WDFY4: variants seen among roughly 807,000 people sequenced by gnomAD.
WDFY4 encodes the protein WDFY family member 4.
A neutral mutation model predicts 351.9 loss-of-function variants in WDFY4; 169 were observed. The observed-to-expected ratio is 0.48, with a 90% confidence interval of 0.42 to 0.55. WDFY4 has a LOEUF of 0.55. Among genes scored for constraint, WDFY4 ranks in the 20% least tolerant of loss-of-function variants. The pLI is 0.00. For missense variants in WDFY4, 3,803 were observed against 3,935.6 expected (o/e 0.97, Z 0.90); for synonymous variants, 1,622 against 1,574.6 (o/e 1.03, Z -0.71).
intron 20 of WDFY4, among the ~76,000 whole-genome samples, chr10:48,787,437 G>A (rs2066440109): frequency 6.6e-6 from 1 of 152,196 alleles, no homozygotes. Context: ...GTGGCAAATG[G>A]CACTGGCCAG....
intron 43 of WDFY4, among the ~76,000 whole-genome samples, chr10:48,882,896 T>C (rs1221573333): frequency 6.6e-6 from 1 of 152,334 alleles, no homozygotes. Flanking sequence ...GGCTTTGTTA[T>C]TTCCATTGCA....
chr10:48,837,844 T>A (rs1290800254), intron 39 of WDFY4, among the ~76,000 whole-genome samples: 1 of 152,160 alleles, frequency 6.6e-6, no homozygotes, highest in Non-Finnish European at 1.5e-5. Flanking sequence ...TGGGATCAAC[T>A]GTATACATAT....
At chr10:48,916,831 C>T (rs1838584465) in intron 47 of WDFY4, among the ~76,000 whole-genome samples, 1 of 141,330 alleles carries the variant, frequency 7.1e-6, no homozygotes, top group Non-Finnish European at 1.5e-5. Context: ...CTACAGACCC[C>T]TAGGTGCTTT....
chr10:48,696,721 G>A (rs999218663), intron 1 of WDFY4, among the ~76,000 whole-genome samples: 1 of 152,238 alleles, frequency 6.6e-6, no homozygotes, highest in Non-Finnish European at 1.5e-5. Flanking sequence ...GGCCATGTGG[G>A]CTGAAGCTCC....
chr10:48,731,658 G>C (rs2064464647), intron 9 of WDFY4, 96 bp downstream of exon 9: 9 of 1,353,122 alleles, frequency 6.7e-6, no homozygotes, highest in Admixed American at 2.3e-5. Flanking sequence ...GCAACAGAAA[G>C]TGAGCATGCC....
chr10:48,964,121 C>A, intron 54 of WDFY4, 67 bp downstream of exon 54: 1 of 1,500,890 alleles, frequency 6.7e-7, no homozygotes, highest in Non-Finnish European at 9.1e-7. Flanking sequence ...GACATTCTCT[C>A]CTGGGGTGAA....
At chr10:48,747,188 G>T (rs535062505) in intron 12 of WDFY4, among the ~76,000 whole-genome samples, 11 of 152,204 alleles carry the variant, frequency 7.2e-5, no homozygotes, top group Admixed American at 3.3e-4. Flanking sequence ...TAAATGGAAG[G>T]TCTCCCCAGC....
intron 12 of WDFY4, among the ~76,000 whole-genome samples, chr10:48,749,339 C>T (rs1209898848): frequency 1.3e-5 from 2 of 151,952 alleles, no homozygotes; most frequent in African/African-American, 2.4e-5. Context: ...CATATACATA[C>T]ACCACATGTA....
chr10:48,957,324 G>T (rs1254815083), intron 52 of WDFY4, 42 bp downstream of exon 52: 1 of 1,537,552 alleles, frequency 6.5e-7, no homozygotes, highest in East Asian at 2.5e-5. Context: ...GGCGTTGCAG[G>T]GTGCTCTTTC....
chr10:48,772,292 G>T (rs2065888810), intron 13 of WDFY4, among the ~76,000 whole-genome samples: 1 of 152,128 alleles, frequency 6.6e-6, no homozygotes, highest in Non-Finnish European at 1.5e-5. Flanking sequence ...AGTCCCGAGG[G>T]CACTGGCCTC....
intron 46 of WDFY4, 139 bp downstream of exon 46, chr10:48,900,445 C>T (rs181184125): frequency 1.4e-6 from 1 of 717,014 alleles, no homozygotes; most frequent in African/African-American, 1.8e-5. Flanking sequence ...CAGGGAGGCA[C>T]TGCTGGCCTG....
chr10:48,771,524 G>C (rs2065865196), intron 13 of WDFY4, among the ~76,000 whole-genome samples: 1 of 152,208 alleles, frequency 6.6e-6, no homozygotes, highest in African/African-American at 2.4e-5. Flanking sequence ...GCCTGCTGCA[G>C]CCTAAATACC....
At chr10:48,821,248 T>G in intron 34 of WDFY4, 72 bp downstream of exon 34, 3 of 1,238,474 alleles carry the variant, frequency 2.4e-6, no homozygotes, top group Non-Finnish European at 3.5e-6. Context: ...ACCAGCATGC[T>G]GGCCAGGAAC....
rs1483931591 is a variant in WDFY4, at chr10:48,729,605, G to A, written c.1129+16G>A. 2 of 1,551,312 alleles carry A rather than the reference G, an allele frequency of 1.3e-6. No homozygotes were observed. Among genetic ancestry groups the A allele is most frequent in the Admixed American group, 2.0e-5 (1 of 50,994 alleles). ...GAGGCATCTGGTGAGTCTTTCCTGT[G>A]TCTGGGTGACCGGAAGAGTCAGTGC... On this transcript the variant is annotated intron_variant, in intron 8 of 61. Coordinates refer to ENST00000325239, the MANE Select transcript of WDFY4 (RefSeq NM_001394531.1).
Position 48,789,956 on chromosome 10 carries a change from C to T in WDFY4, c.4037C>T (p.Thr1346Ile), listed in dbSNP as rs1015211779. The T allele has an allele frequency of 4.5e-6, 7 of 1,552,374 alleles. No individual in the cohort carries two copies. The highest frequency in any genetic ancestry group is 1.2e-5 in the South Asian group (1 of 84,066). ...GGCCACCTGTCAGGGTCTCTGCGGA[C>T]CATTGGAGCTGTTGCTGTGGGTCAA... is the stretch of plus-strand genomic sequence containing the variant. ...CAGHLSGSLRTIGAVAVGQLG... is the reference protein window; with the variant it reads ...CAGHLSGSLRIIGAVAVGQLG... The change falls in exon 22 of 62, where the codon ACC becomes ATC. Residue 1346 changes from threonine (T) to isoleucine (I), a missense_variant. This residue lies in a region of WDFY4 where 3,054 missense variants were observed against 3,148.6 expected (regional missense o/e 0.97). Transcript: ENST00000325239.
chr10:48,745,612 A>T (rs2064985348), intron 12 of WDFY4: 7 of 529,882 alleles, frequency 1.3e-5, no homozygotes, highest in South Asian at 5.0e-5. Flanking sequence ...CTGTTTCTGC[A>T]GCCTTATGAG....
At chr10:48,857,613 A>T (rs2133206896) in intron 39 of WDFY4, among the ~76,000 whole-genome samples, 1 of 152,342 alleles carries the variant, frequency 6.6e-6, no homozygotes, top group Non-Finnish European at 1.5e-5. Context: ...TTCAATATAT[A>T]AATATAAGTT....
At chr10:48,829,580 T>C (rs1209647999) in intron 37 of WDFY4, among the ~76,000 whole-genome samples, 1 of 152,210 alleles carries the variant, frequency 6.6e-6, no homozygotes. Context: ...CCAGGTGCAG[T>C]GGCTTACACC....
intron 45 of WDFY4, among the ~76,000 whole-genome samples, chr10:48,898,395 A>T (rs1837195323): frequency 6.6e-6 from 1 of 152,014 alleles, no homozygotes; most frequent in Non-Finnish European, 1.5e-5. Context: ...AGAAAAGGGG[A>T]TCCTAGGGAC....
Sources: allele counts gnomAD v4.1 joint callset (sites outside exome capture counted in the v4.1 genomes callset), GRCh38; gene constraint gnomAD v4.1.1; regional missense constraint gnomAD v4.1.1; transcripts MANE v1.5; gene names NCBI Gene and HGNC (gene_info 2026-07-23, HGNC 2026-07-21).